Variants in PLEKHD1 observed in about 807,000 individuals in gnomAD.
PLEKHD1 encodes the protein pleckstrin homology domain-containing family D member 1.
Under a neutral mutation model 69.2 loss-of-function variants are expected in PLEKHD1, and 51 were observed. The observed-to-expected ratio is 0.74, with a 90% CI of 0.59 to 0.93. PLEKHD1 has a LOEUF of 0.93. Ranked by LOEUF, PLEKHD1 falls within the 40% of genes least tolerant of loss-of-function variation. The probability of loss-of-function intolerance (pLI) is 0.00; values close to 1 mark genes in which losing one functional copy is unlikely to be tolerated. For synonymous variants in PLEKHD1, 236 were observed against 244.7 expected (o/e 0.96, Z 0.33); for missense variants, 584 against 641.0 (o/e 0.91, Z 0.96).
chr14:69,516,690 G>A (rs1213307086), intron 6 of PLEKHD1, among the ~76,000 whole-genome samples: 2 of 152,086 alleles, frequency 1.3e-5, no homozygotes, highest in Non-Finnish European at 2.9e-5. Context: ...TTTTGCGGGG[G>A]AGGGTGTCTC....
chr14:69,476,257 CAAAAA>C, the PLEKHD1 span, among the ~76,000 whole-genome samples: 1 of 77,322 alleles, frequency 1.3e-5, no homozygotes, highest in South Asian at 5.1e-4. Context: ...GACTCTGTCT[CAAAAA>C]AAAAAAAAAA....
chr14:69,495,173 C>T (rs1051046959), intron 1 of PLEKHD1, among the ~76,000 whole-genome samples: 22 of 152,188 alleles, frequency 1.4e-4, no homozygotes, highest in African/African-American at 2.2e-4. Flanking sequence ...TTCAGAAGCA[C>T]GAGGAGAAGA....
At chr14:69,503,799 G>A (rs1438771729) in intron 6 of PLEKHD1, 1 of 150,966 alleles carries the variant, frequency 6.6e-6, no homozygotes, top group Non-Finnish European at 1.5e-5. Flanking sequence ...GGGAGGCCGA[G>A]GCTGCAGTGA....
intron 6 of PLEKHD1, among the ~76,000 whole-genome samples, chr14:69,518,043 T>C (rs199691463): frequency 9.9e-6 from 1 of 101,422 alleles, no homozygotes; most frequent in South Asian, 4.1e-4. Flanking sequence ...TGTTTGTTTG[T>C]TTGTTTGAGA....
At position 69,515,806 on chromosome 14, in the gene PLEKHD1, C is replaced by T. The variant is rs373983051; in HGVS notation, c.556-6477C>T. Among the ~76,000 whole-genome samples, 19 of 152,330 alleles carry T rather than the reference C, an allele frequency of 1.2e-4. No homozygotes were observed. The South Asian group carries it at 3.9e-3, about 32-fold the overall frequency. On this transcript the variant is annotated intron_variant, in intron 6 of 12. Transcript: ENST00000322564. ...ATGACCCAAGCTATTTATGAAGGAT[C>T]TGCCCCCGTAATCTAACTACCTTCC... is the stretch of plus-strand genomic sequence containing the variant.
Position 69,524,329 on chromosome 14 carries a change from G to T in PLEKHD1, c.744+7G>T. On this transcript the variant is annotated splice_region_variant and intron_variant, in intron 8 of 12. Coordinates refer to ENST00000322564, the MANE Select transcript of PLEKHD1 (RefSeq NM_001161498.2). ...CTTGCAGCAGACACTGGAGGTGAGG[G>T]GCTGCTGGTGGGTTAGTTGACCAGG... The T allele has an allele frequency of 6.4e-7, 1 of 1,550,834 alleles. No individual in the cohort carries two copies. Among genetic ancestry groups the T allele is most frequent in the Non-Finnish European group, 8.7e-7 (1 of 1,146,386 alleles).
chr14:69,500,077 T>C (rs895572230), intron 1 of PLEKHD1, 38 bp from the exon 2 acceptor site: 1 of 1,431,318 alleles, frequency 7.0e-7, no homozygotes, highest in South Asian at 1.2e-5. Flanking sequence ...TCACCCCTTC[T>C]CTCCTGGTTG....
At position 69,526,774 on chromosome 14, in the gene PLEKHD1, A is replaced by G; in HGVS notation, c.1001A>G (p.Gln334Arg). ...EFYSSQSQAL[Q>R]NSLQELTAEK... ...TACTCCAGCCAGTCCCAGGCACTGCAGAACTCGCTGCAGGAGCTGACGGCA... is the reference window on the plus strand; with the variant it reads ...TACTCCAGCCAGTCCCAGGCACTGCGGAACTCGCTGCAGGAGCTGACGGCA... The change falls in exon 10 of 13, where the codon CAG (glutamine) becomes CGG (arginine). Residue 334 changes from glutamine to arginine, a missense_variant. Physicochemically the swap from Gln to Arg is conservative, Grantham distance 43. Transcript: ENST00000322564. 1 of 1,550,638 alleles carries G rather than the reference A, an allele frequency of 6.4e-7. No homozygotes were observed.
At chr14:69,481,500 G>GACTGC (rs760155631), upstream of PLEKHD1, among the ~76,000 whole-genome samples, 5 of 152,340 alleles carry the variant, frequency 3.3e-5, no homozygotes, top group South Asian at 2.1e-4. Flanking sequence ...GTATTTCCTA[G>GACTGC]ACTGCACTTC....
chr14:69,496,980 C>T (rs1237385520), intron 1 of PLEKHD1, among the ~76,000 whole-genome samples: 1 of 152,108 alleles, frequency 6.6e-6, no homozygotes, highest in Non-Finnish European at 1.5e-5. Flanking sequence ...AGGGCTTGAA[C>T]ATATGAACGT....
At chr14:69,482,893 T>TAA (rs200607778), upstream of PLEKHD1, among the ~76,000 whole-genome samples, 2,058 of 129,818 alleles carry the variant, frequency 0.016, 57 homozygotes, top group African/African-American at 0.056. Flanking sequence ...CCCATCTCTC[T>TAA]AAAAAAAAAA....
Position 69,526,134 on chromosome 14 carries a change from C to T in PLEKHD1, c.923+12C>T. ...CTGGCAGAGAAGCGGTGAGGGAGCC[C>T]CGACCCCTGAAGACACCATTGACTT... is the stretch of plus-strand genomic sequence containing the variant. On this transcript the variant is annotated intron_variant, in intron 9 of 12. Transcript: ENST00000322564. The T allele has an allele frequency of 6.5e-7, 1 of 1,545,222 alleles. No individual in the cohort carries two copies. The highest frequency in any genetic ancestry group is 8.7e-7 in the Non-Finnish European group (1 of 1,144,752).
chr14:69,526,222 C>A, intron 9 of PLEKHD1, 100 bp downstream of exon 9: 1 of 1,254,628 alleles, frequency 8.0e-7, no homozygotes, highest in Non-Finnish European at 1.1e-6. Flanking sequence ...TGGCACTGAC[C>A]AAGTAGGACT....
intron 1 of PLEKHD1, among the ~76,000 whole-genome samples, chr14:69,489,018 A>AGGCTTC (rs113550280): frequency 0.39 from 59,285 of 151,580 alleles, 12,030 homozygotes; most frequent in Middle Eastern, 0.56. Context: ...ACATCAGGTC[A>AGGCTTC]CTGGGGTCGT....
At chr14:69,514,393 A>T (rs1049269295) in intron 6 of PLEKHD1, among the ~76,000 whole-genome samples, 30 of 151,488 alleles carry the variant, frequency 2.0e-4, no homozygotes, top group African/African-American at 6.5e-4. Flanking sequence ...TCACTCTTAC[A>T]GTGTTTGTGA....
chr14:69,514,496 G>C (rs892939665), intron 6 of PLEKHD1, among the ~76,000 whole-genome samples: 3 of 152,034 alleles, frequency 2.0e-5, no homozygotes, highest in African/African-American at 4.8e-5. Context: ...TGCCATTAAA[G>C]CTCTTAATAC....
At chr14:69,478,308 G>T in the PLEKHD1 span, among the ~76,000 whole-genome samples, 11 of 152,222 alleles carry the variant, frequency 7.2e-5, no homozygotes, top group East Asian at 1.7e-3. Flanking sequence ...TTCCTCCTAG[G>T]CCTCTGGGCT....
At chr14:69,496,933 A>G (rs147147673) in intron 1 of PLEKHD1, among the ~76,000 whole-genome samples, 1 of 152,108 alleles carries the variant, frequency 6.6e-6, no homozygotes, top group Admixed American at 6.5e-5. Flanking sequence ...ATTACCTCCT[A>G]AAGACCTTAT....
chr14:69,473,127 A>C, the PLEKHD1 span, among the ~76,000 whole-genome samples: 2 of 152,160 alleles, frequency 1.3e-5, no homozygotes, highest in Non-Finnish European at 2.9e-5. Context: ...TATATATTAC[A>C]ATGTAATAAT....
Sources: allele counts gnomAD v4.1 joint callset (sites outside exome capture counted in the v4.1 genomes callset), GRCh38; gene constraint gnomAD v4.1.1; transcripts MANE v1.5; gene names NCBI Gene and HGNC (gene_info 2026-07-23, HGNC 2026-07-21).